The following NOTCH1 variants were observed in gnomAD, a reference collection of about 807,000 sequenced individuals.
NOTCH1 encodes the protein notch receptor 1.
NOTCH1 carries 37 observed loss-of-function variants against 254.8 expected under a neutral mutation model. The ratio of observed to expected loss-of-function variants is 0.15; its 90% confidence interval spans 0.11 to 0.19. The LOEUF (loss-of-function observed/expected upper bound fraction) is 0.19. Ranked by LOEUF, NOTCH1 falls within the 10% of genes least tolerant of loss-of-function variation. NOTCH1 has a pLI of 1.00. For synonymous variants in NOTCH1, 1,731 were observed against 1,618.1 expected (o/e 1.07, Z -1.68); for missense variants, 2,972 against 3,708.6 (o/e 0.80, Z 5.16).
At position 136,509,925 on chromosome 9, in the gene NOTCH1, A is replaced by T. The variant is rs2133351277; in HGVS notation, c.2777T>A (p.Ile926Asn). 1 of 1,613,238 alleles carries T rather than the reference A, an allele frequency of 6.2e-7. No homozygotes were observed. The highest frequency in any genetic ancestry group is 1.6e-4 in the Middle Eastern group (1 of 6,062). Residue 926 changes from isoleucine (I) to asparagine (N), a missense_variant, in exon 18 of 34, where the codon ATC (isoleucine) becomes AAC (asparagine). Ile to Asn is a moderately radical substitution (Grantham distance 149). This residue lies in a region of NOTCH1 where 1,343 missense variants were observed against 1,557.0 expected (regional missense o/e 0.86). Transcript: ENST00000651671. ...CHNGGSCTDGINTAFCDCLPG... is the reference protein window; with the variant it reads ...CHNGGSCTDGNNTAFCDCLPG... ...CAGGCAGTCGCAGAAGGCCGTGTTG[A>T]TGCCGTCTGTGCAGGAGCCCCCGTT...
intron 9 of NOTCH1, among the ~76,000 whole-genome samples, chr9:136,516,977 C>G (rs555143745): frequency 1.2e-3 from 179 of 150,916 alleles, no homozygotes; most frequent in African/African-American, 4.2e-3. Context: ...GCCAGGCACC[C>G]CTCAGGAGGC....
At chr9:136,514,443 C>A (rs2133360092) in intron 13 of NOTCH1, 67 bp downstream of exon 13, 2 of 1,501,576 alleles carry the variant, frequency 1.3e-6, no homozygotes, top group Non-Finnish European at 1.8e-6. Context: ...GCAGGTGCCA[C>A]CCTCCTGGCA....
At chr9:136,535,190 G>A (rs1350309488) in intron 2 of NOTCH1, among the ~76,000 whole-genome samples, 1 of 151,922 alleles carries the variant, frequency 6.6e-6, no homozygotes, top group African/African-American at 2.4e-5. Flanking sequence ...AGGGGCTGAG[G>A]ACTCGGAGGA....
chr9:136,514,327 T>TG (rs1843228159), intron 13 of NOTCH1, among the ~76,000 whole-genome samples, 183 bp downstream of exon 13: 1 of 152,186 alleles, frequency 6.6e-6, no homozygotes, highest in South Asian at 2.1e-4. Flanking sequence ...CTGCTGGGTG[T>TG]GGACTGTAGT....
Position 136,496,551 on chromosome 9 carries a change from G to T in NOTCH1, c.7188C>A (p.Asn2396Lys). 1 of 1,609,960 alleles carries T rather than the reference G, an allele frequency of 6.2e-7. No homozygotes were observed. ...GCTGCTGGATGTTTGCTGGCTGCAG[G>T]TTCTGCTGCTGCATCTGTAAGTTTT... is the stretch of plus-strand genomic sequence containing the variant. ...QPQNLQMQQQ[N>K]LQPANIQQQQ... Residue 2396 changes from asparagine to lysine, a missense_variant, in exon 34 of 34, where the codon AAC (asparagine) becomes AAA (lysine). Physicochemically the swap from Asn to Lys is moderately conservative, Grantham distance 94. Coordinates refer to ENST00000651671, the MANE Select transcript of NOTCH1 (RefSeq NM_017617.5).
chr9:136,538,464 G>A (rs911976975), intron 2 of NOTCH1, among the ~76,000 whole-genome samples: 8 of 152,252 alleles, frequency 5.3e-5, no homozygotes, highest in African/African-American at 1.9e-4. Flanking sequence ...CAGCAAATCA[G>A]AGCCAGCCCT....
rs1564216769 is a variant in NOTCH1, at chr9:136,545,127, C to G, written c.61+599G>C. 6.6e-6 allele frequency among the ~76,000 whole-genome samples: 1 copy of G among 151,970 alleles called. No individual in the cohort carries two copies. Among genetic ancestry groups the G allele is most frequent in the African/African-American group, 2.4e-5 (1 of 41,422 alleles). On this transcript the variant is annotated intron_variant, in intron 1 of 33. Coordinates refer to ENST00000651671, the MANE Select transcript of NOTCH1 (RefSeq NM_017617.5). The surrounding 1 kb of genome is among the most constrained non-coding windows in gnomAD (Gnocchi z 6.8). ...AAGCAAAAGGAAAGTTCAGTCCCCC[C>G]GGGCGCGGCGGCTTCTTACGCAACC...
rs771954465 is a variant in NOTCH1 at position 136,523,968 on chromosome 9, G to T, written c.152C>A (p.Ala51Asp). 1.5e-5 allele frequency: 23 copies of T among 1,553,652 alleles called. No individual in the cohort carries two copies. Among genetic ancestry groups the T allele is most frequent in the Non-Finnish European group, 1.7e-5 (19 of 1,150,180 alleles). The change falls in exon 3 of 34, where the codon GCC (alanine) becomes GAC (aspartate). Residue 51 changes from alanine to aspartate, a missense_variant. This residue lies in a region of NOTCH1 where 374 missense variants were observed against 496.3 expected (regional missense o/e 0.75). Transcript: ENST00000651671. ...NGTEACVCGG[A>D]FVGPRCQDPN... ...GTCCTGGCATCGCGGGCCCACGAAGGCCCCGCCACAGCTGTTGGCAGATGT... is the reference window on the plus strand; with the variant it reads ...GTCCTGGCATCGCGGGCCCACGAAGTCCCCGCCACAGCTGTTGGCAGATGT...
intron 2 of NOTCH1, among the ~76,000 whole-genome samples, chr9:136,529,372 C>T (rs1843522901): frequency 6.6e-6 from 1 of 152,190 alleles, no homozygotes; most frequent in Admixed American, 6.5e-5. Context: ...GGACCTCAGC[C>T]CCTCCCTTGG....
intron 33 of NOTCH1, 78 bp from the exon 34 acceptor site, chr9:136,497,636 G>A (rs765675557): frequency 1.5e-6 from 2 of 1,323,992 alleles, no homozygotes; most frequent in East Asian, 2.5e-5. Context: ...ATCACCAGAG[G>A]AAGCAGCAGT....
chr9:136,509,807 G>A lies in NOTCH1; in HGVS notation c.2895C>T (p.Asp965=), dbSNP rs769901855. Residue 965 remains aspartate, a synonymous_variant, in exon 18 of 34, where the codon GAC becomes GAT. Transcript: ENST00000651671. The part of the protein sequence containing the change: ...RNGANCTDCV[D]SYTCTCPAGF... Reference sequence around the variant, plus strand: ...CTGCGGGGCAGGTGCACGTGTAGCTGTCCACGCAGTCCGTGCAGTTGGCCC... The same window carrying A: ...CTGCGGGGCAGGTGCACGTGTAGCTATCCACGCAGTCCGTGCAGTTGGCCC... The A allele has an allele frequency of 5.6e-6, 9 of 1,613,148 alleles. No individual in the cohort carries two copies. In the Admixed American group the frequency reaches 1.3e-4, roughly 24 times the overall value.
chr9:136,532,762 G>GGCGGCCCGGGGTCGC (rs1244188115), intron 2 of NOTCH1, among the ~76,000 whole-genome samples: 7 of 152,238 alleles, frequency 4.6e-5, no homozygotes, highest in African/African-American at 1.7e-4. Flanking sequence ...GAGAGGTGGT[G>GGCGGCCCGGGGTCGC]GCGGCCCGGG....
At position 136,545,697 on chromosome 9, in the gene NOTCH1, TG is replaced by T; in HGVS notation, c.61+28del. The T allele has an allele frequency of 7.2e-7, 1 of 1,380,490 alleles. No individual in the cohort carries two copies. The highest frequency in any genetic ancestry group is 9.4e-7 in the Non-Finnish European group (1 of 1,060,346). The allele number at this position is 1,380,490 out of a possible 1,614,324, so 85.5% of individuals were successfully genotyped here. On this transcript the variant is annotated intron_variant, in intron 1 of 33. Transcript: ENST00000651671. The surrounding 1 kb of genome is among the most constrained non-coding windows in gnomAD (Gnocchi z 6.8). ...CAAAGTTTCCAAAGGGCGCGGAAAG[TG>T]GGGGCTCGCGGGTGGGTGGGCGCCT...
chr9:136,508,266 G>C lies in NOTCH1; in HGVS notation c.3291C>G (p.Pro1097=), dbSNP rs1234909362. ...GCGCAGCCACCTCACAGGACACGCT[G>C]GGCACGTCGCAGTAAAGGCCGGTCC... The part of the protein sequence containing the change: ...SGWTGLYCDV[P]SVSCEVAAQR... The change falls in exon 20 of 34, where the codon CCC becomes CCG. Residue 1097 remains proline, a synonymous_variant. Transcript: ENST00000651671. The C allele has an allele frequency of 6.2e-7, 1 of 1,612,620 alleles. No homozygotes were observed. Among genetic ancestry groups the C allele is most frequent in the Non-Finnish European group, 8.5e-7 (1 of 1,179,956 alleles).
At position 136,507,369 on chromosome 9, in the gene NOTCH1, C is replaced by A. The variant is rs61751544; in HGVS notation, c.3579G>T (p.Gln1193His). The A allele has an allele frequency of 4.8e-5, 78 of 1,612,658 alleles. No homozygotes were observed. The highest frequency in any genetic ancestry group is 6.5e-5 in the Non-Finnish European group (77 of 1,179,880). ...EIDECLSHPC[Q>H]NGGTCLDLPN... ...GGAGGTCGAGGCAGGTGCCCCCGTT[C>A]TGGCAGGGGTGGGAGAGGCACTCGT... Residue 1193 changes from glutamine to histidine, a missense_variant, in exon 22 of 34, where the codon CAG (glutamine) becomes CAT (histidine). Around this residue, in one of 8 missense-constraint regions of NOTCH1, gnomAD observed 1,343 missense variants for 1,557.0 expected, o/e 0.86. Transcript: ENST00000651671.
At chr9:136,536,819 G>A (rs1416132313) in intron 2 of NOTCH1, among the ~76,000 whole-genome samples, 3 of 152,254 alleles carry the variant, frequency 2.0e-5, no homozygotes, top group Admixed American at 6.5e-5. Context: ...GCCCAGGGGG[G>A]CCTGCATCTG....
chr9:136,542,575 CATT>C (rs1334266768), intron 2 of NOTCH1, among the ~76,000 whole-genome samples: 1 of 143,526 alleles, frequency 7.0e-6, no homozygotes, highest in Non-Finnish European at 1.5e-5. Flanking sequence ...AAGTAGTGCG[CATT>C]CATTAGTGTC....
Position 136,507,370 on chromosome 9 carries a change from T to C in NOTCH1, c.3578A>G (p.Gln1193Arg), listed in dbSNP as rs1409724481. 2 of 1,612,694 alleles carry C rather than the reference T, an allele frequency of 1.2e-6. No homozygotes were observed. The highest frequency in any genetic ancestry group is 1.7e-5 in the Admixed American group (1 of 60,008). ...GAGGTCGAGGCAGGTGCCCCCGTTC[T>C]GGCAGGGGTGGGAGAGGCACTCGTC... is the stretch of plus-strand genomic sequence containing the variant. ...EIDECLSHPC[Q>R]NGGTCLDLPN... is the part of the protein sequence containing the mutation. The change falls in exon 22 of 34, where the codon CAG becomes CGG. Residue 1193 changes from glutamine (Q) to arginine (R), a missense_variant. Physicochemically the swap from Gln to Arg is conservative, Grantham distance 43. This residue lies in a region of NOTCH1 where 1,343 missense variants were observed against 1,557.0 expected (regional missense o/e 0.86). Transcript: ENST00000651671.
In NOTCH1 at chr9:136,514,468, G is replaced by A. The variant is rs1306343400; in HGVS notation, c.2207+42C>T. On this transcript the variant is annotated intron_variant, in intron 13 of 33. Transcript: ENST00000651671. ...CCCTCCTGGCAGCAGAGCTCCCAGG[G>A]TTTAGGACTGATGTGTCCCCATGAT... The A allele has an allele frequency of 4.5e-6, 7 of 1,540,280 alleles. No individual in the cohort carries two copies. The South Asian group carries it at 7.1e-5, about 16-fold the overall frequency.
Sources: gnomAD v4.1 joint callset for allele counts (sites outside exome capture counted in the v4.1 genomes callset) on GRCh38, gnomAD v4.1.1 for gene constraint, gnomAD v4.1.1 regional missense constraint, Gnocchi (gnomAD v3.1) non-coding constraint, MANE v1.5 for transcripts, NCBI Gene and HGNC (gene_info 2026-07-23, HGNC 2026-07-21) for gene names.